The following LRRC4C variants were observed in gnomAD, a reference collection of about 807,000 sequenced individuals.
LRRC4C encodes the protein leucine-rich repeat-containing protein 4C.
Under a neutral mutation model 33.6 loss-of-function variants are expected in LRRC4C, and 5 were observed. That is an observed-to-expected ratio of 0.15 (90% CI 0.08 to 0.31). LRRC4C has a LOEUF of 0.31. LRRC4C is among the 10% of genes least tolerant of loss of function. The pLI, the probability that LRRC4C is intolerant of heterozygous loss-of-function variation, is 1.00. For missense variants in LRRC4C, 560 were observed against 796.7 expected, an observed-to-expected ratio of 0.70 and a Z score of 3.58; for synonymous variants, 329 against 302.0, an observed-to-expected ratio of 1.09 and a Z score of -0.93.
At chr11:41,444,132 A>G (rs554530184) in intron 1 of LRRC4C, among the ~76,000 whole-genome samples, 13 of 152,334 alleles carry the variant, frequency 8.5e-5, no homozygotes, top group African/African-American at 2.9e-4. Flanking sequence ...GCCAGTAGCT[A>G]TAAAACATGG....
At position 40,364,181 on chromosome 11, in the gene LRRC4C, CACA is replaced by C. The variant is rs1466238528; in HGVS notation, c.-269-44463_-269-44461del. Among the ~76,000 whole-genome samples, 4 of 151,832 alleles carry C rather than the reference CACA, an allele frequency of 2.6e-5. No individual in the cohort carries two copies. The South Asian group carries it at 8.3e-4, about 31-fold the overall frequency. Reference sequence around the variant, plus strand: ...AAATTCATAATTTCTGGTGTCCAAACACAACAACAACAACAAGAAAATTATCAG... The same window carrying C: ...AAATTCATAATTTCTGGTGTCCAAACACAACAACAACAAGAAAATTATCAG... On this transcript the variant is annotated intron_variant, in intron 3 of 6. Transcript: ENST00000528697.
chr11:40,538,890 C>A (rs1282212194), intron 3 of LRRC4C, among the ~76,000 whole-genome samples: 1 of 152,056 alleles, frequency 6.6e-6, no homozygotes, highest in Admixed American at 6.6e-5. Context: ...CTCTGATGGC[C>A]AGTGATGATG....
intron 1 of LRRC4C, among the ~76,000 whole-genome samples, chr11:41,281,104 TCACACA>T (rs1188271498): frequency 0.014 from 1,385 of 102,544 alleles, 43 homozygotes; most frequent in African/African-American, 0.048. Context: ...TCTCTCTCTC[TCACACA>T]CACACACACA....
intron 2 of LRRC4C, among the ~76,000 whole-genome samples, chr11:40,839,136 T>G (rs1004899626): frequency 1.3e-5 from 2 of 152,184 alleles, no homozygotes; most frequent in African/African-American, 2.4e-5. Flanking sequence ...ATTTTGCCTG[T>G]TTTTTAGATA....
At chr11:41,097,295 A>AT (rs1316299999) in intron 1 of LRRC4C, among the ~76,000 whole-genome samples, 1 of 152,168 alleles carries the variant, frequency 6.6e-6, no homozygotes, top group Non-Finnish European at 1.5e-5. Flanking sequence ...TTGGTTAGGG[A>AT]TTTTTTAGGA....
intron 1 of LRRC4C, among the ~76,000 whole-genome samples, chr11:41,156,382 C>A (rs931469300): frequency 6.6e-6 from 1 of 152,100 alleles, no homozygotes; most frequent in Non-Finnish European, 1.5e-5. Context: ...ATGTCTTGCT[C>A]CCTTTAATAT....
chr11:40,393,032 G>A (rs1490130476), intron 3 of LRRC4C, among the ~76,000 whole-genome samples: 3 of 151,866 alleles, frequency 2.0e-5, no homozygotes, highest in African/African-American at 4.8e-5. Flanking sequence ...TGTATAAAGG[G>A]CTGAAACAGC....
intron 1 of LRRC4C, among the ~76,000 whole-genome samples, chr11:41,117,461 A>G (rs143123579): frequency 1.3e-5 from 2 of 152,310 alleles, no homozygotes; most frequent in African/African-American, 4.8e-5. Context: ...TACAAATGTC[A>G]TTCTGTAAAC....
chr11:40,414,476 G>C (rs929197668), intron 3 of LRRC4C, among the ~76,000 whole-genome samples: 1 of 152,056 alleles, frequency 6.6e-6, no homozygotes, highest in Non-Finnish European at 1.5e-5. Flanking sequence ...TAAAGTTTAG[G>C]CTTATTAGAA....
At position 40,265,697 on chromosome 11, in the gene LRRC4C, G is replaced by GAAAA. The variant is rs1251080601; in HGVS notation, c.-175-24103_-175-24100dup. Among the ~76,000 whole-genome samples, 12 of 152,196 alleles carry GAAAA rather than the reference G, an allele frequency of 7.9e-5. No individual in the cohort carries two copies. In the South Asian group the frequency reaches 2.5e-3, roughly 32 times the overall value. On this transcript the variant is annotated intron_variant, in intron 4 of 6. Coordinates refer to ENST00000528697, the MANE Select transcript of LRRC4C (RefSeq NM_001258419.2). ...TCTGAACAGTAGAGTTGTAAGCAAG[G>GAAAA]AAAAAAATATCAATAAAATTCAGCT...
chr11:40,605,618 GA>G (rs775728503), intron 3 of LRRC4C, among the ~76,000 whole-genome samples: 8 of 152,228 alleles, frequency 5.3e-5, no homozygotes, highest in Non-Finnish European at 2.9e-5. Context: ...GGGAAGAAAA[GA>G]AAAGACAGAA....
At chr11:40,774,425 C>T (rs1324284402) in intron 2 of LRRC4C, among the ~76,000 whole-genome samples, 2 of 152,068 alleles carry the variant, frequency 1.3e-5, no homozygotes, top group African/African-American at 4.8e-5. Flanking sequence ...AACAAGTTGA[C>T]ATTGGAGTAG....
At chr11:41,298,698 C>T (rs2958865) in intron 1 of LRRC4C, among the ~76,000 whole-genome samples, 117,889 of 152,098 alleles carry the variant, frequency 0.78, 46,747 homozygotes, top group Admixed American at 0.86. Flanking sequence ...TACATAGATA[C>T]AATTTGTACT....
chr11:40,648,362 A>G (rs916267706), intron 2 of LRRC4C, 84 bp from the exon 3 acceptor site: 1 of 152,208 alleles, frequency 6.6e-6, no homozygotes, highest in South Asian at 2.1e-4. Context: ...TAGAGCTCAC[A>G]CTAAAAAAAA....
chr11:40,869,600 A>G (rs1954534864), intron 2 of LRRC4C, among the ~76,000 whole-genome samples: 1 of 152,112 alleles, frequency 6.6e-6, no homozygotes, highest in Non-Finnish European at 1.5e-5. Context: ...TTCTATGGAC[A>G]TTTGGCTGGT....
At chr11:40,528,340 A>G (rs2135287227) in intron 3 of LRRC4C, among the ~76,000 whole-genome samples, 1 of 152,288 alleles carries the variant, frequency 6.6e-6, no homozygotes, top group South Asian at 2.1e-4. Flanking sequence ...CAAAACAACA[A>G]CAAATAGCCT....
chr11:41,036,815 A>C (rs1386312788), intron 1 of LRRC4C, among the ~76,000 whole-genome samples: 1 of 152,236 alleles, frequency 6.6e-6, no homozygotes, highest in Non-Finnish European at 1.5e-5. Context: ...TGGTTAAATA[A>C]ATTTATGACT....
chr11:40,994,044 T>C (rs1471860045), intron 1 of LRRC4C, among the ~76,000 whole-genome samples: 1 of 129,996 alleles, frequency 7.7e-6, no homozygotes. Context: ...TCTGACCCAT[T>C]GGAATGTACT....
chr11:40,230,848 A>G (rs1445427095), intron 5 of LRRC4C, among the ~76,000 whole-genome samples: 1 of 152,206 alleles, frequency 6.6e-6, no homozygotes, highest in African/African-American at 2.4e-5. Context: ...TTAGTTTAAC[A>G]ATAGACAAAT....
Sources: gnomAD v4.1 joint callset for allele counts (sites outside exome capture counted in the v4.1 genomes callset) on GRCh38, gnomAD v4.1.1 for gene constraint, MANE v1.5 for transcripts, NCBI Gene and HGNC (gene_info 2026-07-23, HGNC 2026-07-21) for gene names.